The following ZRANB2 variants were observed in gnomAD, a reference collection of about 807,000 sequenced individuals.
The protein encoded by ZRANB2 is zinc finger RANBP2-type containing 2.
A neutral mutation model predicts 53.4 loss-of-function variants in ZRANB2; 19 were observed. That is an observed-to-expected ratio of 0.36 (90% CI 0.25 to 0.52). ZRANB2 has a LOEUF of 0.52. ZRANB2 is among the 20% of genes least tolerant of loss of function. The pLI, the probability that ZRANB2 is intolerant of heterozygous loss-of-function variation, is 0.93. For missense variants in ZRANB2, 309 were observed against 401.1 expected (o/e 0.77, Z 1.96); for synonymous variants, 145 against 134.8 (o/e 1.08, Z -0.52).
At chr1:71,073,463 A>C (rs1217862437) in intron 4 of ZRANB2, among the ~76,000 whole-genome samples, 1 of 151,876 alleles carries the variant, frequency 6.6e-6, no homozygotes, top group Non-Finnish European at 1.5e-5. Flanking sequence ...ATTTATAATA[A>C]AAATATTTTA....
intron 4 of ZRANB2, among the ~76,000 whole-genome samples, chr1:71,072,874 C>T (rs1322102399): frequency 2.0e-5 from 3 of 152,092 alleles, no homozygotes; most frequent in Non-Finnish European, 4.4e-5. Context: ...TACAGTTAAT[C>T]GTAATTCTTC....
rs934226476 is a variant in ZRANB2 at position 71,063,399 on chromosome 1, G to C, written c.*1675C>G. On this transcript the variant is annotated 3_prime_UTR_variant, in exon 10 of 10. Coordinates refer to ENST00000370920, the MANE Select transcript of ZRANB2 (RefSeq NM_203350.3). ...TATCATTTCCTTATGAAATGAACTA[G>C]TACAGCTTAGTTAAACCAAATGAAA... 3.9e-5 allele frequency: 6 copies of C among 152,556 alleles called. No individual in the cohort carries two copies. The highest frequency in any genetic ancestry group is 1.4e-4 in the African/African-American group (6 of 41,554). 9.5% of individuals were successfully genotyped at this position (152,556 alleles called of 1,614,324 possible).
intron 8 of ZRANB2, 126 bp downstream of exon 8, chr1:71,069,150 T>TA: frequency 3.0e-6 from 2 of 677,478 alleles, no homozygotes; most frequent in Non-Finnish European, 4.9e-6. Flanking sequence ...GCAAGTGCAT[T>TA]AGTTTTCTAA....
At chr1:71,078,155 GAAGT>G (rs1018462590) in intron 3 of ZRANB2, among the ~76,000 whole-genome samples, 1 of 152,074 alleles carries the variant, frequency 6.6e-6, no homozygotes, top group Non-Finnish European at 1.5e-5. Flanking sequence ...TTCAATAAAG[GAAGT>G]AATAGGCCTT....
chr1:71,067,428 T>C, intron 8 of ZRANB2: 1 of 261,940 alleles, frequency 3.8e-6, no homozygotes, highest in Non-Finnish European at 7.7e-6. Context: ...AAAAGACTAG[T>C]AACTGTACTT....
Position 71,063,742 on chromosome 1 carries a change from G to A in ZRANB2, c.*1332C>T, listed in dbSNP as rs969717740. 6.6e-6 allele frequency: 1 copy of A among 152,346 alleles called. No individual in the cohort carries two copies. The highest frequency in any genetic ancestry group is 2.4e-5 in the African/African-American group (1 of 41,416). 9.4% of individuals were successfully genotyped at this position (152,346 alleles called of 1,614,324 possible). On this transcript the variant is annotated 3_prime_UTR_variant, in exon 10 of 10. Transcript: ENST00000370920. ...TCTTGCTTTCATTTTTAGATCAGCT[G>A]AAGAGAAAAACATTCACTTTAAAGT...
At chr1:71,070,745 G>T in intron 7 of ZRANB2, 82 bp downstream of exon 7, 1 of 858,656 alleles carries the variant, frequency 1.2e-6, no homozygotes, top group Non-Finnish European at 1.7e-6. Flanking sequence ...AGTTTATTTC[G>T]TCAAGAAAAA....
Position 71,081,024 on chromosome 1 carries a change from A to G in ZRANB2, c.-29T>C. The stretch of plus-strand genomic sequence containing the variant: ...GAACGCCACCAGCACAGCCACCCGC[A>G]GCTATGTCTTCACAGGAGGAAAACG... On this transcript the variant is annotated 5_prime_UTR_variant, in exon 1 of 10. Coordinates refer to ENST00000370920, the MANE Select transcript of ZRANB2 (RefSeq NM_203350.3). The G allele has an allele frequency of 1.2e-6, 2 of 1,614,070 alleles. No individual in the cohort carries two copies. The highest frequency in any genetic ancestry group is 1.7e-6 in the Non-Finnish European group (2 of 1,179,980).
At chr1:71,071,022 A>T in intron 6 of ZRANB2, 26 bp from the exon 7 acceptor site, 3 of 1,510,660 alleles carry the variant, frequency 2.0e-6, no homozygotes, top group Middle Eastern at 2.3e-4. Context: ...TTATAATTAG[A>T]CATTTAGATA....
intron 8 of ZRANB2, among the ~76,000 whole-genome samples, chr1:71,067,877 ATTTT>A (rs142824635): frequency 2.9e-5 from 4 of 138,090 alleles, no homozygotes; most frequent in Non-Finnish European, 4.7e-5. Flanking sequence ...CTCTACTTCT[ATTTT>A]TTTTTTTTTT....
intron 1 of ZRANB2, among the ~76,000 whole-genome samples, chr1:71,079,364 C>G (rs1238110822): frequency 1.3e-5 from 2 of 152,000 alleles, no homozygotes; most frequent in Non-Finnish European, 2.9e-5. Flanking sequence ...CAAACTCAAA[C>G]CTAAAGAATT....
At chr1:71,075,849 G>GA (rs991198471) in intron 4 of ZRANB2, among the ~76,000 whole-genome samples, 3 of 148,500 alleles carry the variant, frequency 2.0e-5, no homozygotes, top group Non-Finnish European at 4.4e-5. Context: ...GGGAAGGGGG[G>GA]ATCAAGGACA....
At chr1:71,079,601 T>A (rs898848674) in intron 1 of ZRANB2, among the ~76,000 whole-genome samples, 1 of 152,212 alleles carries the variant, frequency 6.6e-6, no homozygotes, top group African/African-American at 2.4e-5. Context: ...CCATTAAGCA[T>A]GGAAAATATA....
intron 9 of ZRANB2, chr1:71,065,823 T>C (rs1264261996): frequency 1.9e-6 from 3 of 1,585,766 alleles, no homozygotes; most frequent in African/African-American, 1.4e-5. Context: ...GTGGCTAAGA[T>C]AAAAATTTGC....
At chr1:71,080,581 C>A (rs558156048) in intron 1 of ZRANB2, among the ~76,000 whole-genome samples, 1 of 133,716 alleles carries the variant, frequency 7.5e-6, no homozygotes, top group South Asian at 2.3e-4. Context: ...AGAAAAGTCA[C>A]GTGGGGGAGA....
chr1:71,080,987 G>T lies in ZRANB2; in HGVS notation c.9C>A (p.Thr3=). Residue 3 remains threonine (T), a synonymous_variant, in exon 1 of 10, where the codon ACC becomes ACA. Transcript: ENST00000370920. MS[T]KNFRVSDGDW... is the part of the protein sequence containing the mutation. ...CCCCGTCACTGACTCGGAAATTCTT[G>T]GTCGACATCTTGAACGCCACCAGCA... 9 of 1,614,088 alleles carry T rather than the reference G, an allele frequency of 5.6e-6. No homozygotes were observed. Among genetic ancestry groups the T allele is most frequent in the Non-Finnish European group, 7.6e-6 (9 of 1,180,014 alleles).
chr1:71,078,703 C>G lies in ZRANB2; in HGVS notation c.62G>C (p.Gly21Ala). ...GDWICPDKKC[G>A]NVNFARRTSC... The stretch of plus-strand genomic sequence containing the variant: ...GGTTCTTCTAGCAAAGTTTACATTT[C>G]CACATCTAAAAACAGATTAAAAAGC... The change falls in exon 2 of 10, where the codon GGA becomes GCA. Residue 21 changes from glycine to alanine, a missense_variant. Physicochemically the swap from Gly to Ala is moderately conservative, Grantham distance 60. Transcript: ENST00000370920. The G allele has an allele frequency of 6.2e-7, 1 of 1,612,290 alleles. No individual in the cohort carries two copies.
chr1:71,072,017 A>T, intron 6 of ZRANB2, 104 bp downstream of exon 6: 1 of 1,476,140 alleles, frequency 6.8e-7, no homozygotes, highest in Non-Finnish European at 9.0e-7. Context: ...ACAAATGAAA[A>T]CACAGAATAT....
At chr1:71,072,693 T>G (rs921690654) in intron 4 of ZRANB2, 145 bp from the exon 5 acceptor site, 1 of 597,658 alleles carries the variant, frequency 1.7e-6, no homozygotes, top group African/African-American at 1.9e-5. Context: ...TTAGAAAGCA[T>G]ATTAGAAATC....
Sources: allele counts gnomAD v4.1 joint callset (sites outside exome capture counted in the v4.1 genomes callset), GRCh38; gene constraint gnomAD v4.1.1; transcripts MANE v1.5; gene names NCBI Gene and HGNC (gene_info 2026-07-23, HGNC 2026-07-21).